ST3GAL2: variants seen among roughly 807,000 people sequenced by gnomAD.
ST3GAL2 encodes ST3 beta-galactoside alpha-2,3-sialyltransferase 2.
Under a neutral mutation model 37.5 loss-of-function variants are expected in ST3GAL2, and 16 were observed. The observed-to-expected ratio is 0.43, with a 90% CI of 0.29 to 0.65. ST3GAL2 has a LOEUF of 0.65. Among genes scored for constraint, ST3GAL2 ranks in the 30% least tolerant of loss-of-function variants. The pLI, the probability that ST3GAL2 is intolerant of heterozygous loss-of-function variation, is 0.17. For missense variants in ST3GAL2, 383 were observed against 487.8 expected (o/e 0.79, Z 2.02); for synonymous variants, 238 against 202.9 (o/e 1.17, Z -1.47).
chr16:70,397,983 G>A (rs931640817), intron 2 of ST3GAL2, among the ~76,000 whole-genome samples: 2 of 152,176 alleles, frequency 1.3e-5, no homozygotes, highest in African/African-American at 2.4e-5. Flanking sequence ...GGCATTTCTG[G>A]CCTATGCTCG....
Position 70,378,140 on chromosome 16 carries a change from A to G in ST3GAL2, c.*3549T>C, listed in dbSNP as rs958319180. The G allele has an allele frequency of 1.2e-4, 19 of 152,124 alleles. No individual in the cohort carries two copies. Among genetic ancestry groups the G allele is most frequent in the African/African-American group, 4.3e-4 (18 of 41,424 alleles). 9.4% of individuals were successfully genotyped at this position (152,124 alleles called of 1,614,324 possible). A position where few individuals can be genotyped will look rare whatever the true frequency, so the allele number is the denominator to read the frequency against. On this transcript the variant is annotated 3_prime_UTR_variant, in exon 7 of 7. Coordinates refer to ENST00000342907, the MANE Select transcript of ST3GAL2 (RefSeq NM_006927.4). ...AATGATATTTATAGGAGTTTTAAAA[A>G]TCTATTATGGGCTGGGTGTGGTCAA...
intron 1 of ST3GAL2, among the ~76,000 whole-genome samples, chr16:70,424,664 T>A (rs1475014587): frequency 6.6e-6 from 1 of 152,178 alleles, no homozygotes; most frequent in East Asian, 1.9e-4. Context: ...GGAAAATGGT[T>A]GCACATGGTG....
At chr16:70,383,134 A>G in intron 5 of ST3GAL2, 56 bp downstream of exon 5, 1 of 1,604,904 alleles carries the variant, frequency 6.2e-7, no homozygotes, top group Non-Finnish European at 8.5e-7. Context: ...AGGACCAGGC[A>G]CACAGGCTGG....
chr16:70,424,741 T>G (rs997514204), intron 1 of ST3GAL2, among the ~76,000 whole-genome samples: 1 of 152,238 alleles, frequency 6.6e-6, no homozygotes, highest in Non-Finnish European at 1.5e-5. Flanking sequence ...TGCCCTTTGA[T>G]GTAAGGGAAA....
rs1164026137 is a variant in ST3GAL2, at chr16:70,377,525, G to GTT, written c.*4162_*4163dup. On this transcript the variant is annotated 3_prime_UTR_variant, in exon 7 of 7. Transcript: ENST00000342907. ...GAAAAGCCTCCATCGTGACAAAGGG[G>GTT]TTAAATAAGCAACCAGAGGCCGGGC... 1 of 150,434 alleles carries GTT rather than the reference G, an allele frequency of 6.6e-6. No individual in the cohort carries two copies. Among genetic ancestry groups the GTT allele is most frequent in the Non-Finnish European group, 1.5e-5 (1 of 67,716 alleles). 9.3% of individuals were successfully genotyped at this position (150,434 alleles called of 1,614,324 possible). A position where few individuals can be genotyped will look rare whatever the true frequency, so the allele number is the denominator to read the frequency against.
intron 1 of ST3GAL2, among the ~76,000 whole-genome samples, chr16:70,428,203 C>A (rs1350039246): frequency 1.3e-5 from 2 of 152,232 alleles, no homozygotes; most frequent in Non-Finnish European, 2.9e-5. Context: ...TTGTCCCCTC[C>A]CCCAGTGCAC....
chr16:70,389,017 T>C (rs2151658866), intron 3 of ST3GAL2, among the ~76,000 whole-genome samples: 1 of 139,110 alleles, frequency 7.2e-6, no homozygotes, highest in Non-Finnish European at 1.5e-5. Context: ...GAGATTGCAG[T>C]GAGCCGACAT....
intron 1 of ST3GAL2, among the ~76,000 whole-genome samples, chr16:70,401,375 T>TGGAAAGAGCAGAGAAGTAGA (rs376846472): frequency 2.6e-5 from 4 of 152,098 alleles, no homozygotes; most frequent in Non-Finnish European, 5.9e-5. Flanking sequence ...TTGACATGTC[T>TGGAAAGAGCAGAGAAGTAGA]GGAAAGAGCA....
chr16:70,388,215 T>G (rs1033985231), intron 4 of ST3GAL2, 152 bp downstream of exon 4: 1 of 887,016 alleles, frequency 1.1e-6, no homozygotes, highest in Non-Finnish European at 1.8e-6. Context: ...AAGCTGTGCC[T>G]TCAGCTCACC....
chr16:70,428,262 C>T (rs2047765026), intron 1 of ST3GAL2, among the ~76,000 whole-genome samples: 1 of 152,234 alleles, frequency 6.6e-6, no homozygotes, highest in Non-Finnish European at 1.5e-5. Flanking sequence ...AGGGGAAACC[C>T]AGCTGGGCCG....
intron 1 of ST3GAL2, among the ~76,000 whole-genome samples, chr16:70,427,866 TAACC>T (rs2047762423): frequency 6.6e-6 from 1 of 152,218 alleles, no homozygotes. Flanking sequence ...CCAGCAGTCC[TAACC>T]ACTTAAGCCC....
intron 3 of ST3GAL2, among the ~76,000 whole-genome samples, chr16:70,389,665 C>T (rs1054307597): frequency 6.6e-6 from 1 of 152,104 alleles, no homozygotes; most frequent in African/African-American, 2.4e-5. Flanking sequence ...GGGGTTTCAC[C>T]CTGATAGCCA....
rs558951840 is a variant in ST3GAL2 at position 70,396,252 on chromosome 16, T to C, written c.340-1077A>G. ...CCCAAGGTGGTGGGATTACTTTTAC[T>C]CAAAAGTAAATTACTTTTACTCAAA... On this transcript the variant is annotated intron_variant, in intron 2 of 6. Transcript: ENST00000342907. Among the ~76,000 whole-genome samples, 207 of 140,468 alleles carry C rather than the reference T, an allele frequency of 1.5e-3. 1 individual carries two copies. The highest frequency in any genetic ancestry group is 1.9e-3 in the Non-Finnish European group (125 of 65,760). The allele number at this position is 140,468 out of a possible 152,430, so 92.2% of individuals were successfully genotyped here. A position where few individuals can be genotyped will look rare whatever the true frequency, so the allele number is the denominator to read the frequency against.
chr16:70,415,968 G>T (rs1378225221), intron 1 of ST3GAL2, among the ~76,000 whole-genome samples: 1 of 150,002 alleles, frequency 6.7e-6, no homozygotes, highest in Non-Finnish European at 1.5e-5. Context: ...TAGAGATGGG[G>T]TTTCACCATG....
chr16:70,425,629 G>C (rs1413992993), intron 1 of ST3GAL2, among the ~76,000 whole-genome samples: 1 of 151,992 alleles, frequency 6.6e-6, no homozygotes, highest in Non-Finnish European at 1.5e-5. Context: ...TGACACAGGA[G>C]AATCGCTTGA....
rs746592379 is a variant in ST3GAL2, at chr16:70,394,962, T to C, written c.533+20A>G. The C allele has an allele frequency of 6.2e-7, 1 of 1,608,132 alleles. No homozygotes were observed. The highest frequency in any genetic ancestry group is 1.1e-5 in the South Asian group (1 of 90,468). On this transcript the variant is annotated intron_variant, in intron 3 of 6. Coordinates refer to ENST00000342907, the MANE Select transcript of ST3GAL2 (RefSeq NM_006927.4). ...CGGAGGCCCATCCTGAGCCCACCCT[T>C]GGGCTCCACAGGGGCTCACCTCATG...
intron 5 of ST3GAL2, 105 bp from the exon 6 acceptor site, chr16:70,383,029 T>C: frequency 6.3e-7 from 1 of 1,584,184 alleles, no homozygotes; most frequent in Non-Finnish European, 8.6e-7. Flanking sequence ...CCTGTGCGTC[T>C]GTGTCTCCTG....
chr16:70,431,985 A>ATATATATATATATAT (rs1454729972), intron 1 of ST3GAL2, among the ~76,000 whole-genome samples: 1 of 139,014 alleles, frequency 7.2e-6, no homozygotes, highest in African/African-American at 3.2e-5. Flanking sequence ...ATATATATAT[A>ATATATATATATATAT]TTTTTTTTTA....
intron 1 of ST3GAL2, among the ~76,000 whole-genome samples, chr16:70,435,904 G>A (rs1408959192): frequency 6.7e-6 from 1 of 149,290 alleles, no homozygotes; most frequent in Non-Finnish European, 1.5e-5. Context: ...GGCGGGCGGA[G>A]CACCTGAGGT....
Sources: allele counts gnomAD v4.1 joint callset (sites outside exome capture counted in the v4.1 genomes callset), GRCh38; gene constraint gnomAD v4.1.1; transcripts MANE v1.5; gene names NCBI Gene and HGNC (gene_info 2026-07-23, HGNC 2026-07-21).